PTPRD: variants seen among roughly 807,000 people sequenced by gnomAD.
PTPRD encodes the protein receptor-type tyrosine-protein phosphatase delta.
A neutral mutation model predicts 214.5 loss-of-function variants in PTPRD; 34 were observed. The observed-to-expected ratio is 0.16, with a 90% CI of 0.12 to 0.21. The LOEUF (loss-of-function observed/expected upper bound fraction) is 0.21, where lower values mean the gene tolerates loss of function less well. Among genes scored for constraint, PTPRD ranks in the 10% least tolerant of loss-of-function variants. PTPRD has a pLI of 1.00. For synonymous variants in PTPRD, 1,128 were observed against 845.7 expected (o/e 1.33, Z -5.79); for missense variants, 2,545 against 2,398.7 (o/e 1.06, Z -1.27).
intron 7 of PTPRD, among the ~76,000 whole-genome samples, chr9:9,715,511 T>G (rs923912826): frequency 6.6e-6 from 1 of 151,956 alleles, no homozygotes; most frequent in Admixed American, 6.6e-5. Flanking sequence ...CAAAAAAAAT[T>G]AAGATGGACA....
chr9:10,099,168 A>T (rs1199772918), intron 3 of PTPRD, among the ~76,000 whole-genome samples: 1 of 151,720 alleles, frequency 6.6e-6, no homozygotes, highest in Non-Finnish European at 1.5e-5. Flanking sequence ...ATTTTTTGAA[A>T]GTCAGCATAA....
intron 9 of PTPRD, among the ~76,000 whole-genome samples, chr9:9,294,510 T>G (rs1031579891): frequency 6.6e-6 from 1 of 151,630 alleles, no homozygotes; most frequent in Admixed American, 6.6e-5. Flanking sequence ...GAAAATAAAG[T>G]AATTAAGGTT....
intron 5 of PTPRD, among the ~76,000 whole-genome samples, chr9:9,797,091 T>A (rs2099007363): frequency 6.6e-6 from 1 of 151,724 alleles, no homozygotes; most frequent in African/African-American, 2.4e-5. Context: ...TTTAAAGAAA[T>A]ACATGGGGAA....
chr9:10,093,312 GACAT>G (rs1347273808), intron 3 of PTPRD, among the ~76,000 whole-genome samples: 1 of 151,456 alleles, frequency 6.6e-6, no homozygotes, highest in Non-Finnish European at 1.5e-5. Context: ...TTCATAAGAT[GACAT>G]ACAAATGGCC....
At chr9:8,473,664 T>C (rs908708145) in intron 30 of PTPRD, among the ~76,000 whole-genome samples, 1 of 152,122 alleles carries the variant, frequency 6.6e-6, no homozygotes, top group African/African-American at 2.4e-5. Context: ...CTTTCATACT[T>C]TGAGTTGCCA....
intron 9 of PTPRD, among the ~76,000 whole-genome samples, chr9:9,396,074 G>A (rs749837131): frequency 4.6e-5 from 7 of 151,900 alleles, no homozygotes; most frequent in Non-Finnish European, 1.0e-4. Flanking sequence ...GTAATAAGAG[G>A]GAAAACAGAC....
Position 9,917,742 on chromosome 9 carries a change from C to T in PTPRD, c.-368+20765G>A, listed in dbSNP as rs146229784. On this transcript the variant is annotated intron_variant, in intron 5 of 45. Transcript: ENST00000381196. ...AACAACACATCAAAAAGATAACACA[C>T]CATGATTAAATGGGAGTTATCTCAG... is the stretch of plus-strand genomic sequence containing the variant. 4.9e-4 allele frequency among the ~76,000 whole-genome samples: 74 copies of T among 152,004 alleles called. No homozygotes were observed. The East Asian group carries it at 0.013, about 27-fold the overall frequency.
intron 4 of PTPRD, among the ~76,000 whole-genome samples, chr9:9,955,168 A>C (rs978506171): frequency 1.3e-4 from 20 of 152,200 alleles, no homozygotes; most frequent in African/African-American, 4.8e-4. Flanking sequence ...CACTGTCAGC[A>C]AACAAAGGAA....
intron 4 of PTPRD, among the ~76,000 whole-genome samples, chr9:9,944,202 C>A (rs2092168724): frequency 6.6e-6 from 1 of 152,216 alleles, no homozygotes; most frequent in Non-Finnish European, 1.5e-5. Flanking sequence ...TTGTTCCCTT[C>A]TCTTTCACAG....
At chr9:9,945,190 G>T (rs1288388215) in intron 4 of PTPRD, among the ~76,000 whole-genome samples, 4 of 152,094 alleles carry the variant, frequency 2.6e-5, no homozygotes, top group Admixed American at 1.3e-4. Flanking sequence ...GGAGATCCAC[G>T]TGGAAGTGTC....
intron 3 of PTPRD, among the ~76,000 whole-genome samples, chr9:10,331,146 T>C (rs1395640580): frequency 6.6e-6 from 1 of 151,836 alleles, no homozygotes; most frequent in Non-Finnish European, 1.5e-5. Context: ...CTAAGCCCTA[T>C]AATAAATGCC....
chr9:8,704,338 T>C (rs919516785), intron 12 of PTPRD, among the ~76,000 whole-genome samples: 2 of 151,694 alleles, frequency 1.3e-5, no homozygotes, highest in African/African-American at 2.4e-5. Flanking sequence ...CATTTCTGAA[T>C]GAATGACGGA....
chr9:10,492,159 G>A lies in PTPRD; in HGVS notation c.-600+120239C>T, dbSNP rs60327896. On this transcript the variant is annotated intron_variant, in intron 2 of 45. Transcript: ENST00000381196. The stretch of plus-strand genomic sequence containing the variant: ...TCCAAGTTTTGCTACTAGGAACAGC[G>A]CCACAATAAATATATGTGTGTATGT... Among the ~76,000 whole-genome samples the A allele has an allele frequency of 5.8e-3, 887 of 152,152 alleles. 6 individuals carry two copies. Among genetic ancestry groups the A allele is most frequent in the African/African-American group, 0.02 (851 of 41,528 alleles).
chr9:9,428,700 T>G (rs1171950784), intron 8 of PTPRD, among the ~76,000 whole-genome samples: 4 of 152,104 alleles, frequency 2.6e-5, no homozygotes, highest in Non-Finnish European at 5.9e-5. Flanking sequence ...TATAACAAAC[T>G]GTCTCTCAGA....
At chr9:10,098,550 C>T (rs1318581592) in intron 3 of PTPRD, among the ~76,000 whole-genome samples, 4 of 151,718 alleles carry the variant, frequency 2.6e-5, no homozygotes, top group Admixed American at 6.6e-5. Context: ...CCTACTTGAG[C>T]GCACACTCTC....
chr9:10,222,342 G>C (rs979787642), intron 3 of PTPRD, among the ~76,000 whole-genome samples: 2 of 151,964 alleles, frequency 1.3e-5, no homozygotes, highest in Non-Finnish European at 2.9e-5. Flanking sequence ...CTGTGTAAAA[G>C]AGAAAATAAA....
rs183466638 is a variant in PTPRD, at chr9:9,880,610, A to T, written c.-368+57897T>A. Among the ~76,000 whole-genome samples the T allele has an allele frequency of 3.8e-3, 585 of 152,128 alleles. 4 individuals are homozygous for T. Among genetic ancestry groups the T allele is most frequent in the African/African-American group, 0.013 (547 of 41,500 alleles). ...GCTTCAATGCACTAGAGGAGAATTT[A>T]ATTTGTTTCTTTGGGACTCTGTGTG... On this transcript the variant is annotated intron_variant, in intron 5 of 45. Transcript: ENST00000381196.
At chr9:8,577,844 G>A (rs574322412) in intron 14 of PTPRD, among the ~76,000 whole-genome samples, 3 of 152,156 alleles carry the variant, frequency 2.0e-5, no homozygotes, top group Non-Finnish European at 2.9e-5. Context: ...CTAGGGATGT[G>A]GGACTCAGAA....
intron 11 of PTPRD, among the ~76,000 whole-genome samples, chr9:9,014,122 T>C (rs1055764356): frequency 3.3e-5 from 5 of 152,066 alleles, no homozygotes; most frequent in Non-Finnish European, 7.4e-5. Context: ...GAATAGTATC[T>C]GTTTTTGGAA....
Sources: gnomAD v4.1 joint callset for allele counts (sites outside exome capture counted in the v4.1 genomes callset) on GRCh38, gnomAD v4.1.1 for gene constraint, MANE v1.5 for transcripts, NCBI Gene and HGNC (gene_info 2026-07-23, HGNC 2026-07-21) for gene names.